EBF2: variants seen among roughly 807,000 people sequenced by gnomAD.
EBF2 encodes transcription factor COE2.
A neutral mutation model predicts 72.8 loss-of-function variants in EBF2; 21 were observed. That is an observed-to-expected ratio of 0.29 (90% CI 0.20 to 0.42). The LOEUF is 0.42. EBF2 is among the 10% of genes least tolerant of loss of function. EBF2 has a pLI of 1.00. For synonymous variants in EBF2, 299 were observed against 274.2 expected, an observed-to-expected ratio of 1.09 and a Z score of -0.89; for missense variants, 637 against 731.2, an observed-to-expected ratio of 0.87 and a Z score of 1.49.
chr8:25,866,307 G>T (rs1351279230), intron 10 of EBF2, among the ~76,000 whole-genome samples: 2 of 151,162 alleles, frequency 1.3e-5, no homozygotes, highest in African/African-American at 4.9e-5. Context: ...CAAATATGGT[G>T]TTGGCTATTT....
chr8:25,959,786 A>AAAC (rs3034247), intron 6 of EBF2, among the ~76,000 whole-genome samples: 3,770 of 152,238 alleles, frequency 0.025, 51 homozygotes, highest in South Asian at 0.091. Flanking sequence ...GTCTCATGCA[A>AAAC]AACATGGCAT....
intron 10 of EBF2, among the ~76,000 whole-genome samples, chr8:25,876,753 G>C (rs1341970840): frequency 5.3e-5 from 8 of 152,152 alleles, no homozygotes; most frequent in Non-Finnish European, 1.2e-4. Flanking sequence ...AGACATCTAG[G>C]ATTCATCATA....
rs1269262832 is a variant in EBF2, at chr8:25,980,965, G to A, written c.551+52120C>T. Among the ~76,000 whole-genome samples the A allele has an allele frequency of 2.0e-5, 3 of 152,014 alleles. No homozygotes were observed. The East Asian group carries it at 5.8e-4, about 30-fold the overall frequency. On this transcript the variant is annotated intron_variant, in intron 6 of 15. Transcript: ENST00000520164. ...TGGGGAAGGTGTAACCAGCTCAGTG[G>A]TAGAAAGTCCATGAACAGAGAACTT...
intron 3 of EBF2, 107 bp downstream of exon 3, chr8:26,040,832 G>C (rs552936507): frequency 7.2e-6 from 11 of 1,537,990 alleles, no homozygotes; most frequent in Non-Finnish European, 9.8e-6. Context: ...GCCTCCCGCC[G>C]CCCTGGGCTC....
chr8:26,023,845 T>C (rs189204433), intron 6 of EBF2, among the ~76,000 whole-genome samples: 2 of 152,222 alleles, frequency 1.3e-5, no homozygotes, highest in East Asian at 1.9e-4. Flanking sequence ...CAGTGGCTGA[T>C]ACCAGAGTAT....
At chr8:25,909,372 T>A (rs1803089474) in intron 6 of EBF2, among the ~76,000 whole-genome samples, 1 of 151,328 alleles carries the variant, frequency 6.6e-6, no homozygotes, top group Non-Finnish European at 1.5e-5. Flanking sequence ...TACAGTAAGT[T>A]TTTCATTTAT....
At chr8:25,999,563 T>G (rs568101720) in intron 6 of EBF2, among the ~76,000 whole-genome samples, 43 of 152,174 alleles carry the variant, frequency 2.8e-4, no homozygotes, top group African/African-American at 1.0e-3. Flanking sequence ...ACATCTGGGT[T>G]TTTAATTTCC....
At chr8:25,947,893 A>G (rs1803798278) in intron 6 of EBF2, among the ~76,000 whole-genome samples, 1 of 152,210 alleles carries the variant, frequency 6.6e-6, no homozygotes, top group Non-Finnish European at 1.5e-5. Context: ...TTGATAAACA[A>G]TGACCTTCTG....
At chr8:25,914,391 G>A (rs1803177062) in intron 6 of EBF2, among the ~76,000 whole-genome samples, 1 of 152,220 alleles carries the variant, frequency 6.6e-6, no homozygotes, top group South Asian at 2.1e-4. Context: ...GTGAAGGTTA[G>A]CAGTGGGACC....
Position 25,887,648 on chromosome 8 carries a change from A to G in EBF2, c.882+194T>C, listed in dbSNP as rs1802713683. ...TTTAACGGTGGAGTGACATTCCATC[A>G]CTTTACAATTCTAGATTTCTAAGTT... On this transcript the variant is annotated intron_variant, in intron 9 of 15. Transcript: ENST00000520164. 2.0e-5 allele frequency among the ~76,000 whole-genome samples: 3 copies of G among 152,160 alleles called. No individual in the cohort carries two copies. The South Asian group carries it at 6.2e-4, about 32-fold the overall frequency.
At chr8:25,981,803 A>G (rs1050633384) in intron 6 of EBF2, among the ~76,000 whole-genome samples, 9 of 151,780 alleles carry the variant, frequency 5.9e-5, no homozygotes, top group African/African-American at 2.2e-4. Context: ...TAAAAAAAAA[A>G]AAAAAAATCT....
At chr8:25,924,987 G>A (rs1585197257) in intron 6 of EBF2, among the ~76,000 whole-genome samples, 1 of 152,158 alleles carries the variant, frequency 6.6e-6, no homozygotes, top group African/African-American at 2.4e-5. Context: ...TCCCAGACCT[G>A]TTTTTGGGGG....
intron 6 of EBF2, among the ~76,000 whole-genome samples, chr8:25,996,156 G>T (rs550548696): frequency 6.6e-6 from 1 of 151,870 alleles, no homozygotes; most frequent in African/African-American, 2.4e-5. Context: ...AAAACAATTG[G>T]CCAGGCATGG....
Position 25,861,222 on chromosome 8 carries a change from A to G in EBF2, c.1169T>C (p.Ile390Thr). 6.2e-7 allele frequency: 1 copy of G among 1,613,018 alleles called. No individual in the cohort carries two copies. Among genetic ancestry groups the G allele is most frequent in the Non-Finnish European group, 8.5e-7 (1 of 1,179,312 alleles). ...LYGTPHNNQD[I>T]ILKRAADIAE... ...AATGTCTGCGGCTCGCTTCAAAATGATGTCCTACAAAACAACAGGTTAATG... is the reference window on the plus strand; with the variant it reads ...AATGTCTGCGGCTCGCTTCAAAATGGTGTCCTACAAAACAACAGGTTAATG... Residue 390 changes from isoleucine to threonine, a missense_variant, in exon 13 of 16, where the codon ATC (isoleucine) becomes ACC (threonine). By Grantham distance (89) the Ile-to-Thr change is moderately conservative. Around this residue, in one of 3 missense-constraint regions of EBF2, gnomAD observed 259 missense variants for 268.1 expected, o/e 0.97. Coordinates refer to ENST00000520164, the MANE Select transcript of EBF2 (RefSeq NM_022659.4).
In EBF2 at chr8:26,045,119, C is replaced by T. The variant is rs970326629; in HGVS notation, c.-260G>A. On this transcript the variant is annotated 5_prime_UTR_variant, in exon 1 of 16. Transcript: ENST00000520164. ...CCGCCTCAGCCACTCCACCCTAGGTCGCTCGCATCCTTCCAGCTGCAGTGC... is the reference window on the plus strand; with the variant it reads ...CCGCCTCAGCCACTCCACCCTAGGTTGCTCGCATCCTTCCAGCTGCAGTGC... 1.2e-4 allele frequency: 39 copies of T among 333,934 alleles called. No homozygotes were observed. The highest frequency in any genetic ancestry group is 1.8e-4 in the Non-Finnish European group (32 of 177,228). The allele number at this position is 333,934 out of a possible 1,614,324, so 20.7% of individuals were successfully genotyped here.
intron 6 of EBF2, among the ~76,000 whole-genome samples, chr8:26,001,746 A>C (rs1017400510): frequency 6.6e-6 from 1 of 151,946 alleles, no homozygotes; most frequent in Admixed American, 6.6e-5. Flanking sequence ...ACAGGGTTTC[A>C]CCATTTTGGC....
chr8:25,986,238 C>T (rs1025801085), intron 6 of EBF2, among the ~76,000 whole-genome samples: 2 of 151,938 alleles, frequency 1.3e-5, no homozygotes, highest in African/African-American at 2.4e-5. Context: ...CGCAATAGCC[C>T]CCACCTAGAA....
At chr8:25,914,147 T>C (rs1803173624) in intron 6 of EBF2, among the ~76,000 whole-genome samples, 2 of 152,202 alleles carry the variant, frequency 1.3e-5, no homozygotes, top group African/African-American at 2.4e-5. Flanking sequence ...ACCCATGAGT[T>C]CATTTTCTCA....
intron 7 of EBF2, among the ~76,000 whole-genome samples, chr8:25,892,871 C>T (rs78916728): frequency 0.022 from 3,418 of 152,220 alleles, 108 homozygotes; most frequent in East Asian, 0.11. Context: ...TTCAGGGGTA[C>T]AGCCTGTCTA....
Sources: allele counts gnomAD v4.1 joint callset (sites outside exome capture counted in the v4.1 genomes callset), GRCh38; gene constraint gnomAD v4.1.1; regional missense constraint gnomAD v4.1.1; transcripts MANE v1.5; gene names NCBI Gene and HGNC (gene_info 2026-07-23, HGNC 2026-07-21).